KIAA1614: variants seen among roughly 807,000 people sequenced by gnomAD.
KIAA1614 encodes KIAA1614, also known as uncharacterized protein KIAA1614.
In KIAA1614, 76 loss-of-function variants were observed where a neutral mutation model predicts 88.7. The observed-to-expected ratio is 0.86, with a 90% CI of 0.71 to 1.04. The LOEUF (loss-of-function observed/expected upper bound fraction) is 1.04. Ranked by LOEUF, KIAA1614 falls within the 50% of genes least tolerant of loss-of-function variation. The pLI, the probability that KIAA1614 is intolerant of heterozygous loss-of-function variation, is 0.00. For synonymous variants in KIAA1614, 714 were observed against 675.5 expected (o/e 1.06, Z -0.88); for missense variants, 1,553 against 1,582.5 (o/e 0.98, Z 0.32).
At position 180,916,386 on chromosome 1, in the gene KIAA1614, A is replaced by T. The variant is rs1391156187; in HGVS notation, c.283A>T (p.Thr95Ser). The change falls in exon 2 of 9, where the codon ACA becomes TCA. Residue 95 changes from threonine to serine, a missense_variant. Transcript: ENST00000367588. ...GGTGAGGGCTTTGAAGGAGAAGATG[A>T]CAGTGGCCAAACAGGGAGTGAGTCC... Reference protein sequence around the residue: ...SKVRALKEKMTVAKQGVSPCS... With the variant: ...SKVRALKEKMSVAKQGVSPCS... 3.1e-6 allele frequency: 5 copies of T among 1,614,088 alleles called. No individual in the cohort carries two copies. Among genetic ancestry groups the T allele is most frequent in the African/African-American group, 2.7e-5 (2 of 74,936 alleles).
intron 3 of KIAA1614, among the ~76,000 whole-genome samples, chr1:180,920,474 C>G (rs956365868): frequency 1.3e-5 from 2 of 152,216 alleles, no homozygotes; most frequent in Non-Finnish European, 2.9e-5. Flanking sequence ...AGGACGTGCT[C>G]TGGCAGGAGG....
chr1:180,942,230 T>C (rs1654484737), intron 7 of KIAA1614, among the ~76,000 whole-genome samples: 1 of 152,240 alleles, frequency 6.6e-6, no homozygotes, highest in Non-Finnish European at 1.5e-5. Flanking sequence ...GGGAAGCTAG[T>C]GCAGTACGCA....
In KIAA1614 at chr1:180,916,664, T is replaced by C; in HGVS notation, c.561T>C (p.Pro187=). ...REYCNRGSPW[P]PEAEWTLPDH... is the part of the protein sequence containing the mutation. The stretch of plus-strand genomic sequence containing the variant: ...ACTGCAACAGGGGGAGCCCGTGGCC[T>C]CCAGAAGCCGAATGGACACTTCCTG... Residue 187 remains proline, a synonymous_variant, in exon 2 of 9, where the codon CCT becomes CCC. Transcript: ENST00000367588. The C allele has an allele frequency of 6.2e-7, 1 of 1,601,440 alleles. No homozygotes were observed. The highest frequency in any genetic ancestry group is 1.7e-4 in the Middle Eastern group (1 of 5,998).
chr1:180,934,268 A>G (rs1226654112), intron 4 of KIAA1614, among the ~76,000 whole-genome samples: 22 of 114,112 alleles, frequency 1.9e-4, no homozygotes, highest in African/African-American at 7.5e-4. Flanking sequence ...AAAAAAAAAA[A>G]AAGAAAAGAA....
chr1:180,922,078 AGGCCCTC>A (rs1653964931), intron 3 of KIAA1614, among the ~76,000 whole-genome samples: 1 of 152,248 alleles, frequency 6.6e-6, no homozygotes, highest in African/African-American at 2.4e-5. Context: ...GGCCAGCCCG[AGGCCCTC>A]GGCCTCCTCG....
chr1:180,928,420 C>T lies in KIAA1614; in HGVS notation c.1062-10C>T, dbSNP rs775942925. Reference sequence around the variant, plus strand: ...TCCCCCACCACCCTGGCCTGTGTGCCACGCTGCAGGACCGTTGGTCCCAAC... The same window carrying T: ...TCCCCCACCACCCTGGCCTGTGTGCTACGCTGCAGGACCGTTGGTCCCAAC... On this transcript the variant is annotated splice_polypyrimidine_tract_variant and intron_variant, in intron 3 of 8. Coordinates refer to ENST00000367588, the MANE Select transcript of KIAA1614 (RefSeq NM_020950.2). 1.5e-5 allele frequency: 24 copies of T among 1,593,368 alleles called. No homozygotes were observed. Among genetic ancestry groups the T allele is most frequent in the Non-Finnish European group, 2.1e-5 (24 of 1,167,682 alleles).
rs375693425 is a variant in KIAA1614 at position 180,936,271 on chromosome 1, C to T, written c.2362C>T (p.Pro788Ser). The change falls in exon 5 of 9, where the codon CCT becomes TCT. Residue 788 changes from proline (P) to serine (S), a missense_variant. Coordinates refer to ENST00000367588, the MANE Select transcript of KIAA1614 (RefSeq NM_020950.2). ...PSSLQQSHAE[P>S]SAPHQAWQPT... ...CTCCCTGCAACAGAGCCATGCAGAG[C>T]CTTCTGCCCCACACCAAGCCTGGCA... is the stretch of plus-strand genomic sequence containing the variant. 18 of 1,614,094 alleles carry T rather than the reference C, an allele frequency of 1.1e-5. No individual in the cohort carries two copies. The highest frequency in any genetic ancestry group is 1.7e-5 in the Admixed American group (1 of 60,008).
rs1029069931 is a variant in KIAA1614 at position 180,947,477 on chromosome 1, G to A, written c.*1889G>A. ...GTGGAGATGGGGAGAGGGGAGAGGG[G>A]ACAGGGGTTGGATTCTGGTTGATTT... On this transcript the variant is annotated 3_prime_UTR_variant, in exon 9 of 9. Coordinates refer to ENST00000367588, the MANE Select transcript of KIAA1614 (RefSeq NM_020950.2). The A allele has an allele frequency of 6.6e-6, 1 of 152,356 alleles. No individual in the cohort carries two copies. The highest frequency in any genetic ancestry group is 1.9e-4 in the East Asian group (1 of 5,210). 9.4% of individuals were successfully genotyped at this position (152,356 alleles called of 1,614,324 possible).
Position 180,948,464 on chromosome 1 carries a change from A to T in KIAA1614, c.*2876A>T, listed in dbSNP as rs888979670. The T allele has an allele frequency of 1.3e-5, 2 of 152,252 alleles. No homozygotes were observed. Among genetic ancestry groups the T allele is most frequent in the African/African-American group, 2.4e-5 (1 of 41,460 alleles). The allele number at this position is 152,252 out of a possible 1,614,324, so 9.4% of individuals were successfully genotyped here. On this transcript the variant is annotated 3_prime_UTR_variant, in exon 9 of 9. Coordinates refer to ENST00000367588, the MANE Select transcript of KIAA1614 (RefSeq NM_020950.2). ...TAAATGCCTATGACAGCAGGCTGTC[A>T]TATTTGTGTCACGAATTTCAGTTGC... is the stretch of plus-strand genomic sequence containing the variant.
intron 4 of KIAA1614, among the ~76,000 whole-genome samples, chr1:180,929,124 G>T (rs529263078): frequency 2.5e-4 from 38 of 152,380 alleles, no homozygotes; most frequent in African/African-American, 8.7e-4. Flanking sequence ...CTCTGCAGAA[G>T]TCTGTGTGCC....
At chr1:180,942,108 T>C (rs1356776704) in intron 7 of KIAA1614, among the ~76,000 whole-genome samples, 1 of 143,386 alleles carries the variant, frequency 7.0e-6, no homozygotes, top group African/African-American at 2.5e-5. Context: ...CCCTCCTTTG[T>C]GGAACTCATG....
At chr1:180,925,184 A>C (rs1460934728) in intron 3 of KIAA1614, among the ~76,000 whole-genome samples, 1 of 152,180 alleles carries the variant, frequency 6.6e-6, no homozygotes, top group African/African-American at 2.4e-5. Context: ...GACCTGTGCA[A>C]GCAAGCATGA....
chr1:180,941,081 C>A lies in KIAA1614; in HGVS notation c.2955C>A (p.Pro985=), dbSNP rs555165149. ...GAGCTGGCACAGGACCCGGCTCCCC[C>A]TCGGCTGCCCCTTTGGACCAGAACA... is the stretch of plus-strand genomic sequence containing the variant. ...SAGAGTGPGS[P]SAAPLDQNKK... is the part of the protein sequence containing the mutation. Residue 985 remains proline (P), a synonymous_variant, in exon 7 of 9, where the codon CCC becomes CCA. Transcript: ENST00000367588. The A allele has an allele frequency of 5.0e-6, 8 of 1,611,898 alleles. No individual in the cohort carries two copies. In the African/African-American group the frequency reaches 9.4e-5, roughly 19 times the overall value.
intron 8 of KIAA1614, 155 bp downstream of exon 8, chr1:180,944,671 G>T: frequency 1.3e-6 from 1 of 781,878 alleles, no homozygotes; most frequent in Non-Finnish European, 1.9e-6. Flanking sequence ...AGGCTGCCAC[G>T]GGAGTCTCAG....
chr1:180,935,411 C>G lies in KIAA1614; in HGVS notation c.1502C>G (p.Ala501Gly). The part of the protein sequence containing the change: ...KPDLADYING[A>G]PRLRDAGQGT... ...GACCTCGCCGACTACATCAACGGGGCTCCCCGGCTCCGGGACGCGGGGCAG... is the reference window on the plus strand; with the variant it reads ...GACCTCGCCGACTACATCAACGGGGGTCCCCGGCTCCGGGACGCGGGGCAG... Residue 501 changes from alanine to glycine, a missense_variant, in exon 5 of 9, where the codon GCT (alanine) becomes GGT (glycine). Ala to Gly is a moderately conservative substitution (Grantham distance 60). Transcript: ENST00000367588. The surrounding 1 kb of genome is among the most constrained non-coding windows in gnomAD (Gnocchi z 6.1). 6.8e-7 allele frequency: 1 copy of G among 1,472,996 alleles called. No homozygotes were observed. The highest frequency in any genetic ancestry group is 8.9e-7 in the Non-Finnish European group (1 of 1,118,652). 91.2% of individuals were successfully genotyped at this position (1,472,996 alleles called of 1,614,324 possible). A position where few individuals can be genotyped will look rare whatever the true frequency, so the allele number is the denominator to read the frequency against.
intron 1 of KIAA1614, among the ~76,000 whole-genome samples, chr1:180,915,445 G>C (rs1653757901): frequency 6.6e-6 from 1 of 152,204 alleles, no homozygotes; most frequent in African/African-American, 2.4e-5. Flanking sequence ...GCCAGGGATT[G>C]GGAAATCACC....
At chr1:180,931,085 G>A (rs1654187557) in intron 4 of KIAA1614, among the ~76,000 whole-genome samples, 3 of 152,244 alleles carry the variant, frequency 2.0e-5, no homozygotes, top group Non-Finnish European at 2.9e-5. Context: ...AGCCTGAACA[G>A]ACAGGGACTC....
chr1:180,915,484 A>G (rs986886814), intron 1 of KIAA1614, among the ~76,000 whole-genome samples: 1 of 152,250 alleles, frequency 6.6e-6, no homozygotes, highest in African/African-American at 2.4e-5. Context: ...CACATTTGGC[A>G]TAGGATTAGT....
rs764567848 is a variant in KIAA1614 at position 180,916,841 on chromosome 1, T to C, written c.738T>C (p.Asp246=). ...PRTGRSYPFP[D]GVVTEADLDS... ...CAGGAAGGTCCTACCCTTTTCCAGA[T>C]GGCGTGGTGACAGAGGCAGATCTGG... Residue 246 remains aspartate, a synonymous_variant, in exon 2 of 9, where the codon GAT becomes GAC. Transcript: ENST00000367588. 6.2e-7 allele frequency: 1 copy of C among 1,614,212 alleles called. No individual in the cohort carries two copies. Among genetic ancestry groups the C allele is most frequent in the South Asian group, 1.1e-5 (1 of 91,092 alleles).
Sources: allele counts gnomAD v4.1 joint callset (sites outside exome capture counted in the v4.1 genomes callset), GRCh38; gene constraint gnomAD v4.1.1; non-coding constraint Gnocchi (gnomAD v3.1); transcripts MANE v1.5; gene names NCBI Gene and HGNC (gene_info 2026-07-23, HGNC 2026-07-21).